EPHA3: variants seen among roughly 807,000 people sequenced by gnomAD.
EPHA3 encodes ephrin type-A receptor 3.
Under a neutral mutation model 107.1 loss-of-function variants are expected in EPHA3, and 42 were observed. That is an observed-to-expected ratio of 0.39 (90% confidence interval 0.31 to 0.51). The LOEUF (loss-of-function observed/expected upper bound fraction) is 0.51, where lower values mean the gene tolerates loss of function less well. Ranked by LOEUF, EPHA3 falls within the 20% of genes least tolerant of loss-of-function variation. The probability of loss-of-function intolerance (pLI) is 0.78; values close to 1 mark genes in which losing one functional copy is unlikely to be tolerated. For synonymous variants in EPHA3, 461 were observed against 424.8 expected, an observed-to-expected ratio of 1.09 and a Z score of -1.05; for missense variants, 1,183 against 1,211.2, an observed-to-expected ratio of 0.98 and a Z score of 0.35.
intron 15 of EPHA3, among the ~76,000 whole-genome samples, chr3:89,459,913 C>A (rs2107564914): frequency 6.6e-6 from 1 of 152,250 alleles, no homozygotes; most frequent in Admixed American, 6.5e-5. Context: ...TATTCTTTAA[C>A]TTCCCAACAC....
Position 89,480,822 on chromosome 3 carries a change from G to A in EPHA3, c.*1320G>A. 4.3e-6 allele frequency: 1 copy of A among 232,480 alleles called. No homozygotes were observed. The highest frequency in any genetic ancestry group is 1.3e-3 in the Middle Eastern group (1 of 780). The allele number at this position is 232,480 out of a possible 1,614,324, so 14.4% of individuals were successfully genotyped here. On this transcript the variant is annotated 3_prime_UTR_variant, in exon 17 of 17. Coordinates refer to ENST00000336596, the MANE Select transcript of EPHA3 (RefSeq NM_005233.6). Reference sequence around the variant, plus strand: ...AGTCTTCCACTTCAATGCACATGGTGCAGTTTTGGTGTGTAACTTAGAAGG... The same window carrying A: ...AGTCTTCCACTTCAATGCACATGGTACAGTTTTGGTGTGTAACTTAGAAGG...
rs557932314 is a variant in EPHA3 at position 89,472,696 on chromosome 3, A to G, written c.2846+77A>G. On this transcript the variant is annotated intron_variant, in intron 16 of 16. Coordinates refer to ENST00000336596, the MANE Select transcript of EPHA3 (RefSeq NM_005233.6). ...TGGCTTGACATGAAAGATTTGTAACATCTTGGCTTGACATGTTACAAATAT... is the reference window on the plus strand; with the variant it reads ...TGGCTTGACATGAAAGATTTGTAACGTCTTGGCTTGACATGTTACAAATAT... 131 of 1,431,972 alleles carry G rather than the reference A, an allele frequency of 9.1e-5. 1 individual carries two copies. The East Asian group carries it at 3.1e-3, about 34-fold the overall frequency. 88.7% of individuals were successfully genotyped at this position (1,431,972 alleles called of 1,614,324 possible). A position where few individuals can be genotyped will look rare whatever the true frequency, so the allele number is the denominator to read the frequency against.
chr3:89,112,107 A>G (rs374480376), intron 1 of EPHA3, among the ~76,000 whole-genome samples: 1 of 152,134 alleles, frequency 6.6e-6, no homozygotes, highest in East Asian at 1.9e-4. Context: ...ATAAAACACC[A>G]TTGCCACGTG....
chr3:89,184,072 G>A (rs979876380), intron 2 of EPHA3, among the ~76,000 whole-genome samples: 1 of 151,716 alleles, frequency 6.6e-6, no homozygotes, highest in Non-Finnish European at 1.5e-5. Flanking sequence ...AGCAGTGTTT[G>A]GAATTTTCAA....
At chr3:89,397,842 C>A (rs1338674282) in intron 6 of EPHA3, among the ~76,000 whole-genome samples, 2 of 152,154 alleles carry the variant, frequency 1.3e-5, no homozygotes, top group African/African-American at 4.8e-5. Context: ...CTGGGCCTCC[C>A]AAAGTGCTGG....
At chr3:89,189,853 C>T (rs988369135) in intron 2 of EPHA3, among the ~76,000 whole-genome samples, 2 of 152,112 alleles carry the variant, frequency 1.3e-5, no homozygotes, top group African/African-American at 4.8e-5. Flanking sequence ...CCATTATGAT[C>T]TGCAATTTAT....
intron 2 of EPHA3, among the ~76,000 whole-genome samples, chr3:89,148,924 G>A (rs1229678764): frequency 1.3e-5 from 2 of 151,966 alleles, no homozygotes; most frequent in East Asian, 3.9e-4. Flanking sequence ...TATTTCATTG[G>A]AGTCATATAT....
At chr3:89,242,910 C>G (rs926544498) in intron 3 of EPHA3, among the ~76,000 whole-genome samples, 12 of 122,670 alleles carry the variant, frequency 9.8e-5, no homozygotes, top group Admixed American at 1.8e-4. Context: ...CCCCCTCCCC[C>G]CACCCCACAA....
intron 3 of EPHA3, among the ~76,000 whole-genome samples, chr3:89,324,420 C>G (rs1707119241): frequency 6.6e-6 from 1 of 152,108 alleles, no homozygotes; most frequent in East Asian, 1.9e-4. Flanking sequence ...ATCCACCTGC[C>G]TAGGCCTCCA....
intron 5 of EPHA3, among the ~76,000 whole-genome samples, chr3:89,381,690 G>A (rs924630785): frequency 2.6e-5 from 4 of 151,732 alleles, no homozygotes; most frequent in African/African-American, 9.7e-5. Flanking sequence ...AAAAAATTAG[G>A]ACATGAGCCC....
chr3:89,143,159 GA>G (rs558081132), intron 2 of EPHA3, among the ~76,000 whole-genome samples: 3 of 150,878 alleles, frequency 2.0e-5, no homozygotes, highest in African/African-American at 4.9e-5. Context: ...CAGAGTTTGG[GA>G]AAAAAAATTA....
intron 3 of EPHA3, among the ~76,000 whole-genome samples, chr3:89,283,315 C>CATA (rs1253876953): frequency 6.6e-6 from 1 of 152,020 alleles, no homozygotes; most frequent in Non-Finnish European, 1.5e-5. Flanking sequence ...AGAGGAAAAA[C>CATA]ATAATGTTTC....
At chr3:89,261,798 G>C (rs1271749421) in intron 3 of EPHA3, among the ~76,000 whole-genome samples, 1 of 150,804 alleles carries the variant, frequency 6.6e-6, no homozygotes, top group Non-Finnish European at 1.5e-5. Flanking sequence ...TTTTCAAGTA[G>C]TTTTTTAAAA....
At chr3:89,451,470 G>A (rs79381563) in intron 15 of EPHA3, among the ~76,000 whole-genome samples, 1,776 of 152,146 alleles carry the variant, frequency 0.012, 44 homozygotes, top group African/African-American at 0.041. Context: ...TTTTGATAAT[G>A]CATTCTCTTA....
At chr3:89,203,302 T>G (rs1438714489) in intron 2 of EPHA3, among the ~76,000 whole-genome samples, 1 of 145,802 alleles carries the variant, frequency 6.9e-6, no homozygotes. Context: ...AAAAGCTTCC[T>G]GGTTCCCTGC....
chr3:89,359,398 A>G (rs1708038562), intron 5 of EPHA3, among the ~76,000 whole-genome samples: 1 of 150,768 alleles, frequency 6.6e-6, no homozygotes, highest in South Asian at 2.1e-4. Flanking sequence ...ATGAGTTTCA[A>G]AAAAGATATA....
intron 5 of EPHA3, among the ~76,000 whole-genome samples, chr3:89,372,534 C>G (rs1708328179): frequency 6.6e-6 from 1 of 151,390 alleles, no homozygotes; most frequent in Non-Finnish European, 1.5e-5. Context: ...ACCACTTCAT[C>G]AGACTTGGCA....
intron 3 of EPHA3, among the ~76,000 whole-genome samples, chr3:89,289,364 T>C (rs1204035326): frequency 6.6e-6 from 1 of 152,100 alleles, no homozygotes; most frequent in African/African-American, 2.4e-5. Context: ...TTAAAGTTGG[T>C]ACTCAACATT....
chr3:89,450,396 C>T (rs757063966), intron 15 of EPHA3, 26 bp downstream of exon 15: 3 of 1,588,890 alleles, frequency 1.9e-6, no homozygotes, highest in Non-Finnish European at 1.7e-6. Flanking sequence ...TGTTATCTGG[C>T]ATTCACTCTG....
Sources: gnomAD v4.1 joint callset for allele counts (sites outside exome capture counted in the v4.1 genomes callset) on GRCh38, gnomAD v4.1.1 for gene constraint, MANE v1.5 for transcripts, NCBI Gene and HGNC (gene_info 2026-07-23, HGNC 2026-07-21) for gene names.